Variants in SMIM35 observed in about 807,000 individuals in gnomAD.
The protein encoded by SMIM35 is small integral membrane protein 35, also known as TMPRSS4 antisense RNA 1 (non-protein coding).
At chr11:118,081,869 C>T (rs927075295) in intron 1 of SMIM35, among the ~76,000 whole-genome samples, 6 of 152,200 alleles carry the variant, frequency 3.9e-5, no homozygotes, top group African/African-American at 1.4e-4. Context: ...CAGTTTTGTG[C>T]ACTCCATAGA....
At chr11:118,052,888 C>A (rs1244964899) in intron 1 of SMIM35, among the ~76,000 whole-genome samples, 1 of 152,206 alleles carries the variant, frequency 6.6e-6, no homozygotes, top group Non-Finnish European at 1.5e-5. Flanking sequence ...CCACGCTCAG[C>A]ATGTCCCTCT....
chr11:118,061,015 C>T (rs753102204), intron 1 of SMIM35, among the ~76,000 whole-genome samples: 19 of 152,240 alleles, frequency 1.2e-4, no homozygotes, highest in Admixed American at 3.3e-4. Flanking sequence ...CAGTGGGAGG[C>T]GTCCAGGCCA....
intron 1 of SMIM35, among the ~76,000 whole-genome samples, chr11:118,024,014 C>T (rs1448333340): frequency 8.3e-6 from 1 of 120,532 alleles, no homozygotes; most frequent in African/African-American, 3.2e-5. Flanking sequence ...GATGCCTTCT[C>T]CAAAAAAAAA....
chr11:118,067,191 C>T lies in SMIM35; in HGVS notation c.7+19560G>A, dbSNP rs1944488391. On this transcript the variant is annotated intron_variant, in intron 1 of 4. Coordinates refer to ENST00000689828, the MANE Select transcript of SMIM35 (RefSeq NM_001394165.1). ...ACATGTGGGCCATTGACACAGGGTC[C>T]AAGTGCAGACACGAGGCCAACCTGT... 2.0e-5 allele frequency: 3 copies of T among 152,154 alleles called. No individual in the cohort carries two copies. The South Asian group carries it at 6.2e-4, about 32-fold the overall frequency. The allele number at this position is 152,154 out of a possible 1,614,324, so 9.4% of individuals were successfully genotyped here. A position where few individuals can be genotyped will look rare whatever the true frequency, so the allele number is the denominator to read the frequency against.
chr11:118,036,332 C>G (rs964235130), intron 1 of SMIM35, among the ~76,000 whole-genome samples: 1 of 152,160 alleles, frequency 6.6e-6, no homozygotes, highest in Non-Finnish European at 1.5e-5. Flanking sequence ...GAGTCTGACA[C>G]TTGGTGAGTT....
intron 1 of SMIM35, among the ~76,000 whole-genome samples, chr11:118,052,089 G>A (rs530568557): frequency 2.3e-4 from 35 of 152,254 alleles, no homozygotes; most frequent in African/African-American, 2.9e-4. Flanking sequence ...TGTTTAAAGC[G>A]GGAATAAGAG....
intron 1 of SMIM35, among the ~76,000 whole-genome samples, chr11:118,024,793 A>G (rs1370548629): frequency 1.3e-5 from 2 of 152,110 alleles, no homozygotes; most frequent in Non-Finnish European, 2.9e-5. Flanking sequence ...TTTTAGATTC[A>G]GGAAGTAGAT....
chr11:118,079,222 C>T (rs774182711), intron 1 of SMIM35, among the ~76,000 whole-genome samples: 4 of 152,134 alleles, frequency 2.6e-5, no homozygotes, highest in African/African-American at 4.8e-5. Flanking sequence ...TAAGCCTGTG[C>T]TTAATAACCC....
chr11:118,042,618 T>C (rs1464190655), intron 1 of SMIM35, among the ~76,000 whole-genome samples: 2 of 152,166 alleles, frequency 1.3e-5, no homozygotes, highest in Non-Finnish European at 2.9e-5. Flanking sequence ...AAGGCAAATA[T>C]TACCCTGATG....
chr11:118,027,043 C>T (rs1184501107), intron 1 of SMIM35, among the ~76,000 whole-genome samples: 10 of 86,660 alleles, frequency 1.2e-4, no homozygotes, highest in African/African-American at 4.5e-4. Context: ...TTTTTTGAGA[C>T]GGAGTCTCGC....
At chr11:118,031,834 G>A (rs766080373) in intron 1 of SMIM35, 5 of 151,988 alleles carry the variant, frequency 3.3e-5, no homozygotes, top group Non-Finnish European at 4.4e-5. Flanking sequence ...CTGAGGGGAG[G>A]CGAGGAGAAG....
chr11:118,065,398 G>A (rs902195389), intron 1 of SMIM35, among the ~76,000 whole-genome samples: 1 of 152,134 alleles, frequency 6.6e-6, no homozygotes, highest in African/African-American at 2.4e-5. Context: ...AGGAGAATAG[G>A]GCCTGGAGGC....
chr11:118,043,411 CA>C (rs1435595571), intron 1 of SMIM35, among the ~76,000 whole-genome samples: 2 of 151,856 alleles, frequency 1.3e-5, no homozygotes, highest in Non-Finnish European at 2.9e-5. Flanking sequence ...GAATGAACCT[CA>C]AAAACATTAT....
chr11:118,062,986 C>T (rs1944414981), intron 1 of SMIM35, among the ~76,000 whole-genome samples: 1 of 152,102 alleles, frequency 6.6e-6, no homozygotes, highest in Non-Finnish European at 1.5e-5. Flanking sequence ...ACAAGAGTGA[C>T]CTCTGGTCGT....
chr11:118,008,195 G>T (rs551532530), intron 4 of SMIM35, among the ~76,000 whole-genome samples: 38 of 152,218 alleles, frequency 2.5e-4, no homozygotes, highest in Middle Eastern at 3.4e-3. Flanking sequence ...CTGGCCTGCT[G>T]CTACTCTGGG....
intron 1 of SMIM35, among the ~76,000 whole-genome samples, chr11:118,039,147 T>C (rs1943960409): frequency 6.6e-6 from 1 of 152,054 alleles, no homozygotes; most frequent in Non-Finnish European, 1.5e-5. Context: ...ATGTGTAGAA[T>C]AAATTAGAGC....
chr11:118,072,219 G>A (rs1037177058), intron 1 of SMIM35, among the ~76,000 whole-genome samples: 12 of 152,218 alleles, frequency 7.9e-5, no homozygotes, highest in African/African-American at 2.6e-4. Flanking sequence ...GCCAGGCACC[G>A]TGGCTCACAC....
intron 1 of SMIM35, among the ~76,000 whole-genome samples, chr11:118,035,393 C>G (rs1044331769): frequency 1.3e-5 from 2 of 152,178 alleles, no homozygotes; most frequent in African/African-American, 4.8e-5. Context: ...AGGCCCTGTA[C>G]TAGACACTGG....
chr11:118,060,134 C>T (rs528901086), intron 1 of SMIM35, among the ~76,000 whole-genome samples: 111 of 152,280 alleles, frequency 7.3e-4, no homozygotes, highest in African/African-American at 2.3e-3. Flanking sequence ...CCAATTCCCG[C>T]GCTCTAGGGG....
Sources: allele counts gnomAD v4.1 joint callset (sites outside exome capture counted in the v4.1 genomes callset), GRCh38; gene constraint gnomAD v4.1.1; transcripts MANE v1.5; gene names NCBI Gene and HGNC (gene_info 2026-07-23, HGNC 2026-07-21).